The following NEK11 variants were observed in gnomAD, a reference collection of about 807,000 sequenced individuals.
NEK11 encodes the protein NIMA related kinase 11, also known as serine/threonine-protein kinase Nek11.
In NEK11, 72 loss-of-function variants were observed where a neutral mutation model predicts 80.7. The ratio of observed to expected loss-of-function variants is 0.89; its 90% CI spans 0.74 to 1.08. NEK11 has a LOEUF of 1.08. Among genes scored for constraint, NEK11 ranks in the 50% least tolerant of loss-of-function variants. NEK11 has a pLI of 0.00. For synonymous variants in NEK11, 251 were observed against 260.7 expected (o/e 0.96, Z 0.36); for missense variants, 764 against 763.6 (o/e 1.00, Z -0.01).
At chr3:131,302,012 T>C (rs1378922564) in intron 17 of NEK11, among the ~76,000 whole-genome samples, 1 of 152,098 alleles carries the variant, frequency 6.6e-6, no homozygotes, top group Non-Finnish European at 1.5e-5. Context: ...GTAGGCTTTT[T>C]ATCACTGATT....
chr3:131,075,823 A>G (rs573218931), intron 3 of NEK11, among the ~76,000 whole-genome samples: 17 of 152,310 alleles, frequency 1.1e-4, no homozygotes, highest in African/African-American at 4.1e-4. Context: ...AGGTAAGAGC[A>G]GCCACCCTTT....
At chr3:131,101,887 A>C (rs1451563501) in intron 4 of NEK11, among the ~76,000 whole-genome samples, 1 of 152,190 alleles carries the variant, frequency 6.6e-6, no homozygotes, top group Non-Finnish European at 1.5e-5. Context: ...AACTTGTTTT[A>C]TGAATCTGGA....
intron 5 of NEK11, among the ~76,000 whole-genome samples, chr3:131,113,646 C>T (rs1291909682): frequency 6.6e-6 from 1 of 152,104 alleles, no homozygotes; most frequent in Non-Finnish European, 1.5e-5. Flanking sequence ...GGCACAGTGG[C>T]TCACGTCTGT....
At chr3:131,314,179 A>G (rs973610216) in intron 17 of NEK11, among the ~76,000 whole-genome samples, 5 of 150,402 alleles carry the variant, frequency 3.3e-5, no homozygotes, top group African/African-American at 1.2e-4. Flanking sequence ...GTTGTAGAAT[A>G]CTGTAACCAC....
intron 7 of NEK11, among the ~76,000 whole-genome samples, chr3:131,145,731 A>G (rs1235934917): frequency 6.6e-6 from 1 of 152,136 alleles, no homozygotes; most frequent in African/African-American, 2.4e-5. Flanking sequence ...CTCTAGAGCC[A>G]GATAGCCTGG....
intron 3 of NEK11, among the ~76,000 whole-genome samples, chr3:131,064,162 T>G (rs34432383): frequency 0.18 from 28,031 of 152,160 alleles, 2,673 homozygotes; most frequent in Non-Finnish European, 0.21. Flanking sequence ...CCAGGGGCTA[T>G]GGAGAGTGGG....
intron 3 of NEK11, among the ~76,000 whole-genome samples, chr3:131,076,168 TCACAGCCCAGGGATCTGC>T (rs1387105388): frequency 5.9e-5 from 9 of 152,138 alleles, no homozygotes; most frequent in Admixed American, 3.3e-4. Context: ...GAGGCAAGAC[TCACAGCCCAGGGATCTGC>T]CACAGTGTAA....
At chr3:131,083,337 C>T (rs951948006) in intron 4 of NEK11, among the ~76,000 whole-genome samples, 11 of 148,552 alleles carry the variant, frequency 7.4e-5, no homozygotes, top group South Asian at 2.1e-4. Flanking sequence ...GCTGCTCTCC[C>T]GGGAGGGGCT....
intron 3 of NEK11, among the ~76,000 whole-genome samples, chr3:131,033,196 T>TG (rs2065131273): frequency 1.3e-5 from 2 of 152,162 alleles, no homozygotes; most frequent in African/African-American, 4.8e-5. Flanking sequence ...TCTTTTTTTT[T>TG]TGTGTTGATA....
intron 5 of NEK11, among the ~76,000 whole-genome samples, chr3:131,128,265 T>C (rs2083719192): frequency 6.6e-6 from 1 of 152,184 alleles, no homozygotes; most frequent in African/African-American, 2.4e-5. Flanking sequence ...CATTTTAGTA[T>C]CATAAAGTTG....
At chr3:131,108,124 T>G (rs75941524) in intron 4 of NEK11, among the ~76,000 whole-genome samples, 3,147 of 152,230 alleles carry the variant, frequency 0.021, 41 homozygotes, top group Middle Eastern at 0.041. Flanking sequence ...AGGCTGCTAG[T>G]GAATGTTTGC....
At chr3:131,065,451 T>C (rs1250059393) in intron 3 of NEK11, among the ~76,000 whole-genome samples, 1 of 152,216 alleles carries the variant, frequency 6.6e-6, no homozygotes, top group Non-Finnish European at 1.5e-5. Flanking sequence ...GGTGACCATA[T>C]TCCCCTTGAA....
intron 17 of NEK11, among the ~76,000 whole-genome samples, chr3:131,326,443 G>A (rs1271218570): frequency 6.6e-6 from 1 of 152,128 alleles, no homozygotes; most frequent in African/African-American, 2.4e-5. Flanking sequence ...ACCACAGTTG[G>A]TGACTCTTCT....
intron 3 of NEK11, among the ~76,000 whole-genome samples, chr3:131,062,920 G>T (rs1004473145): frequency 2.6e-5 from 4 of 152,220 alleles, no homozygotes; most frequent in African/African-American, 4.8e-5. Flanking sequence ...CTAGGCAAGA[G>T]AAATGGAAGT....
intron 3 of NEK11, among the ~76,000 whole-genome samples, chr3:131,035,210 G>A (rs532888799): frequency 6.6e-6 from 1 of 152,262 alleles, no homozygotes; most frequent in South Asian, 2.1e-4. Flanking sequence ...CATTAGAGTA[G>A]ATTTTTAAAA....
At chr3:131,320,204 T>C (rs1019643008) in intron 17 of NEK11, among the ~76,000 whole-genome samples, 1 of 152,158 alleles carries the variant, frequency 6.6e-6, no homozygotes, top group African/African-American at 2.4e-5. Flanking sequence ...AGGTTTATGC[T>C]TGGTTGTCAC....
intron 14 of NEK11, among the ~76,000 whole-genome samples, chr3:131,200,321 T>G (rs991057123): frequency 6.6e-6 from 1 of 152,204 alleles, no homozygotes; most frequent in African/African-American, 2.4e-5. Context: ...ATGTAAAAGT[T>G]TGATAATACC....
chr3:131,266,183 A>G (rs1392317028), intron 16 of NEK11, among the ~76,000 whole-genome samples: 1 of 151,834 alleles, frequency 6.6e-6, no homozygotes, highest in Non-Finnish European at 1.5e-5. Flanking sequence ...TGATTTTTTG[A>G]AGGGTTTTTC....
intron 15 of NEK11, among the ~76,000 whole-genome samples, chr3:131,232,672 G>A (rs980212948): frequency 3.3e-5 from 5 of 152,122 alleles, no homozygotes; most frequent in Admixed American, 6.6e-5. Flanking sequence ...ACATTGTCCC[G>A]GGGCAGAGAA....
Sources: allele counts gnomAD v4.1 joint callset (sites outside exome capture counted in the v4.1 genomes callset), GRCh38; gene constraint gnomAD v4.1.1; transcripts MANE v1.5; gene names NCBI Gene and HGNC (gene_info 2026-07-23, HGNC 2026-07-21).